Variants in SH3RF2 observed in about 807,000 individuals in gnomAD.
SH3RF2 encodes E3 ubiquitin-protein ligase SH3RF2.
A neutral mutation model predicts 59.0 loss-of-function variants in SH3RF2; 43 were observed. The ratio of observed to expected loss-of-function variants is 0.73; its 90% CI spans 0.57 to 0.94. The LOEUF (loss-of-function observed/expected upper bound fraction) is 0.94, where lower values mean the gene tolerates loss of function less well. SH3RF2 is among the 40% of genes least tolerant of loss of function. The pLI is 0.00. For missense variants in SH3RF2, 930 were observed against 940.1 expected (o/e 0.99, Z 0.14); for synonymous variants, 391 against 391.5 (o/e 1.00, Z 0.01).
intron 5 of SH3RF2, among the ~76,000 whole-genome samples, chr5:146,016,541 G>A (rs76063977): frequency 0.03 from 4,514 of 152,198 alleles, 236 homozygotes; most frequent in African/African-American, 0.1. Context: ...CCTTTGTAGG[G>A]GAGGTATTAT....
chr5:145,948,767 G>T (rs1007223975), intron 2 of SH3RF2, among the ~76,000 whole-genome samples: 1 of 152,156 alleles, frequency 6.6e-6, no homozygotes, highest in Non-Finnish European at 1.5e-5. Flanking sequence ...ACCCAGGTTG[G>T]TCTTAGGTTC....
At chr5:146,075,061 T>G (rs1763316155) in intron 9 of SH3RF2, among the ~76,000 whole-genome samples, 1 of 152,250 alleles carries the variant, frequency 6.6e-6, no homozygotes, top group South Asian at 2.1e-4. Flanking sequence ...TAGACAGGAA[T>G]GTAAAGTTTA....
At chr5:146,064,609 GA>G (rs1378515203), downstream of SH3RF2, among the ~76,000 whole-genome samples, 262 of 119,050 alleles carry the variant, frequency 2.2e-3, 11 homozygotes, top group African/African-American at 7.7e-3. Context: ...GAGAGAGAGA[GA>G]GAGAGGGAGA....
intron 5 of SH3RF2, among the ~76,000 whole-genome samples, chr5:146,016,897 A>C (rs972372581): frequency 6.6e-6 from 1 of 152,120 alleles, no homozygotes; most frequent in African/African-American, 2.4e-5. Flanking sequence ...TTGTTTCTTT[A>C]TGAACTACCA....
In SH3RF2 at chr5:145,982,411, C is replaced by T. The variant is rs537172102; in HGVS notation, c.379-17647C>T. 2.0e-5 allele frequency among the ~76,000 whole-genome samples: 3 copies of T among 152,278 alleles called. No individual in the cohort carries two copies. The East Asian group carries it at 5.8e-4, about 29-fold the overall frequency. ...TTGCTTCTGTGACACTTGGCAAAGC[C>T]GAGGATCCATGTCGAGAGGAGGCAA... On this transcript the variant is annotated intron_variant, in intron 2 of 9. Transcript: ENST00000359120.
intron 2 of SH3RF2, among the ~76,000 whole-genome samples, chr5:145,994,156 C>G (rs1057220967): frequency 2.6e-5 from 4 of 152,192 alleles, no homozygotes; most frequent in African/African-American, 9.7e-5. Context: ...CACCTTTGCT[C>G]CAGTTCCCAA....
intron 5 of SH3RF2, among the ~76,000 whole-genome samples, chr5:146,046,480 A>G (rs1270544310): frequency 6.6e-6 from 1 of 152,204 alleles, no homozygotes; most frequent in African/African-American, 2.4e-5. Context: ...CTGAAAACAG[A>G]CTGAATGTAT....
chr5:145,973,904 A>G (rs998907392), intron 2 of SH3RF2, among the ~76,000 whole-genome samples: 6 of 152,236 alleles, frequency 3.9e-5, no homozygotes, highest in Non-Finnish European at 8.8e-5. Flanking sequence ...TTCATTTTCT[A>G]TGCTGTGTAA....
intron 2 of SH3RF2, among the ~76,000 whole-genome samples, chr5:145,986,090 C>T (rs1465166972): frequency 6.6e-6 from 1 of 152,156 alleles, no homozygotes; most frequent in Non-Finnish European, 1.5e-5. Context: ...AAATCATCTT[C>T]TTCACTTTGC....
intron 5 of SH3RF2, among the ~76,000 whole-genome samples, chr5:146,014,841 C>T (rs888427054): frequency 3.3e-5 from 5 of 152,252 alleles, no homozygotes; most frequent in African/African-American, 7.2e-5. Flanking sequence ...CAACTGAAGA[C>T]GCGTAGGGGT....
downstream of SH3RF2, among the ~76,000 whole-genome samples, chr5:146,064,774 G>GGAAGGAAGGAAGGAAGGAAAGAAA (rs1561773656): frequency 1.5e-4 from 5 of 34,480 alleles, no homozygotes; most frequent in African/African-American, 4.9e-4. Context: ...AAGGAAGGAA[G>GGAAGGAAGGAAGGAAGGAAAGAAA]GAAAGGAAGG....
At chr5:145,964,131 C>T (rs899753337) in intron 2 of SH3RF2, among the ~76,000 whole-genome samples, 1 of 151,736 alleles carries the variant, frequency 6.6e-6, no homozygotes, top group African/African-American at 2.4e-5. Flanking sequence ...CGTGCCCGGC[C>T]TCTTCCTTTC....
downstream of SH3RF2, among the ~76,000 whole-genome samples, chr5:146,065,695 C>T (rs141444368): frequency 6.6e-3 from 998 of 152,358 alleles, 4 homozygotes; most frequent in Non-Finnish European, 0.011. Context: ...CTCACCCTCT[C>T]CCAAAGAAAA....
intron 5 of SH3RF2, among the ~76,000 whole-genome samples, chr5:146,017,112 C>T (rs1219900485): frequency 6.6e-6 from 1 of 152,180 alleles, no homozygotes; most frequent in East Asian, 1.9e-4. Flanking sequence ...TGTGGGAAAC[C>T]ACTTGAAACT....
chr5:146,032,505 G>A (rs937389853), intron 5 of SH3RF2, among the ~76,000 whole-genome samples: 1 of 152,128 alleles, frequency 6.6e-6, no homozygotes, highest in Admixed American at 6.5e-5. Flanking sequence ...ATGAACCTGA[G>A]TTCCCTGACC....
intron 5 of SH3RF2, among the ~76,000 whole-genome samples, chr5:146,018,900 T>TC (rs1761208430): frequency 2.0e-5 from 3 of 149,884 alleles, no homozygotes; most frequent in Non-Finnish European, 4.5e-5. Context: ...TGAGCATTTT[T>TC]ATATGTTTGT....
chr5:146,030,173 T>A (rs1761691556), intron 5 of SH3RF2, among the ~76,000 whole-genome samples: 1 of 152,194 alleles, frequency 6.6e-6, no homozygotes, highest in Non-Finnish European at 1.5e-5. Context: ...CCCTTGTGCC[T>A]TCCCCCACTG....
At position 146,062,884 on chromosome 5, in the gene SH3RF2, C is replaced by T. The variant is rs749330286; in HGVS notation, c.*183C>T. 14 of 732,238 alleles carry T rather than the reference C, an allele frequency of 1.9e-5. No individual in the cohort carries two copies. Among genetic ancestry groups the T allele is most frequent in the East Asian group, 2.7e-5 (1 of 36,428 alleles). The allele number at this position is 732,238 out of a possible 1,614,324, so 45.4% of individuals were successfully genotyped here. A position where few individuals can be genotyped will look rare whatever the true frequency, so the allele number is the denominator to read the frequency against. On this transcript the variant is annotated 3_prime_UTR_variant, in exon 10 of 10. Coordinates refer to ENST00000359120, the MANE Select transcript of SH3RF2 (RefSeq NM_152550.4). ...CTGCCCTGGGTGGGAGGATAGATGG[C>T]GTGGCCTTCCAAACATACAAACATA...
chr5:146,021,800 T>A (rs543230225), intron 5 of SH3RF2, among the ~76,000 whole-genome samples: 27 of 152,240 alleles, frequency 1.8e-4, no homozygotes, highest in Admixed American at 5.2e-4. Flanking sequence ...ATGGCAGTCT[T>A]AGACCCAGGT....
Sources: allele counts gnomAD v4.1 joint callset (sites outside exome capture counted in the v4.1 genomes callset), GRCh38; gene constraint gnomAD v4.1.1; transcripts MANE v1.5; gene names NCBI Gene and HGNC (gene_info 2026-07-23, HGNC 2026-07-21).